The following TXNDC16 variants were observed in gnomAD, a reference collection of about 807,000 sequenced individuals.
TXNDC16 encodes thioredoxin domain-containing protein 16.
TXNDC16 carries 74 observed loss-of-function variants against 85.6 expected under a neutral mutation model. The observed-to-expected ratio is 0.86, with a 90% confidence interval of 0.72 to 1.05. The LOEUF (loss-of-function observed/expected upper bound fraction) is 1.05, where lower values mean the gene tolerates loss of function less well. Among genes scored for constraint, TXNDC16 ranks in the 50% least tolerant of loss-of-function variants. The pLI, the probability that TXNDC16 is intolerant of heterozygous loss-of-function variation, is 0.00. For missense variants in TXNDC16, 959 were observed against 947.0 expected (o/e 1.01, Z -0.17); for synonymous variants, 335 against 326.5 (o/e 1.03, Z -0.28).
At position 52,488,633 on chromosome 14, in the gene TXNDC16, C is replaced by G. The variant is rs556504128; in HGVS notation, c.985-147G>C. 163 of 547,030 alleles carry G rather than the reference C, an allele frequency of 3.0e-4. 1 individual carries two copies. The highest frequency in any genetic ancestry group is 3.2e-4 in the Non-Finnish European group (103 of 322,952). The allele number at this position is 547,030 out of a possible 1,614,324, so 33.9% of individuals were successfully genotyped here. A position where few individuals can be genotyped will look rare whatever the true frequency, so the allele number is the denominator to read the frequency against. The stretch of plus-strand genomic sequence containing the variant: ...GGCGGATCATCTGAGGTCAGTAGTT[C>G]GAGACCAGCCTGGCCAACATGGTGA... On this transcript the variant is annotated intron_variant, in intron 11 of 20. Transcript: ENST00000281741.
Position 52,457,103 on chromosome 14 carries a change from C to T in TXNDC16, c.1690G>A (p.Asp564Asn), listed in dbSNP as rs762829485. ...CAATAAACTTACAGTAGCAAAACAT[C>T]TTCTTCAGAATAAATTCCAGTGATA... is the stretch of plus-strand genomic sequence containing the variant. Reference protein sequence around the residue: ...YVITGIYSEEDVLLLSTKYAA... With the variant: ...YVITGIYSEENVLLLSTKYAA... The change falls in exon 17 of 21, where the codon GAT (aspartate) becomes AAT (asparagine). Residue 564 changes from aspartate to asparagine, a missense_variant. Coordinates refer to ENST00000281741, the MANE Select transcript of TXNDC16 (RefSeq NM_020784.3). The T allele has an allele frequency of 2.5e-5, 39 of 1,581,620 alleles. No individual in the cohort carries two copies. Among genetic ancestry groups the T allele is most frequent in the Non-Finnish European group, 3.3e-5 (39 of 1,167,752 alleles).
At chr14:52,463,299 C>CGA (rs997149521) in intron 16 of TXNDC16, among the ~76,000 whole-genome samples, 27 of 152,122 alleles carry the variant, frequency 1.8e-4, no homozygotes, top group African/African-American at 5.8e-4. Context: ...CCAGTGGCTG[C>CGA]GAGAGAGCAA....
intron 9 of TXNDC16, among the ~76,000 whole-genome samples, chr14:52,499,580 C>G (rs538248332): frequency 2.7e-5 from 4 of 147,756 alleles, no homozygotes; most frequent in Non-Finnish European, 6.0e-5. Context: ...CATGAGGTAT[C>G]ATCTCATATC....
chr14:52,527,921 G>A (rs1239245354), intron 6 of TXNDC16, among the ~76,000 whole-genome samples: 1 of 149,644 alleles, frequency 6.7e-6, no homozygotes, highest in Non-Finnish European at 1.5e-5. Flanking sequence ...AAATCAATCT[G>A]AGAAAATTTT....
At chr14:52,523,079 T>G (rs1355442232) in intron 6 of TXNDC16, among the ~76,000 whole-genome samples, 1 of 152,224 alleles carries the variant, frequency 6.6e-6, no homozygotes, top group Admixed American at 6.5e-5. Context: ...ATATTCATTT[T>G]CAGAATATGA....
chr14:52,541,213 G>A (rs1354766202), intron 4 of TXNDC16, among the ~76,000 whole-genome samples: 3 of 150,692 alleles, frequency 2.0e-5, no homozygotes, highest in African/African-American at 7.4e-5. Flanking sequence ...TCCAGCCTGG[G>A]CGACAAGAGC....
intron 7 of TXNDC16, among the ~76,000 whole-genome samples, chr14:52,518,231 C>A (rs2037130180): frequency 6.6e-6 from 1 of 152,178 alleles, no homozygotes; most frequent in Non-Finnish European, 1.5e-5. Context: ...CTCTTCTGGT[C>A]TCACAACTTT....
At chr14:52,509,378 T>C (rs1008181264) in intron 9 of TXNDC16, among the ~76,000 whole-genome samples, 7 of 152,228 alleles carry the variant, frequency 4.6e-5, no homozygotes, top group Middle Eastern at 3.4e-3. Context: ...TGAAGAACTA[T>C]ACAGTGAACT....
chr14:52,548,184 A>G (rs2037977710), intron 1 of TXNDC16, among the ~76,000 whole-genome samples: 1 of 152,252 alleles, frequency 6.6e-6, no homozygotes, highest in Non-Finnish European at 1.5e-5. Flanking sequence ...GACGGTTACT[A>G]TGGGACTGAA....
At chr14:52,485,652 C>T (rs2036251571) in intron 12 of TXNDC16, among the ~76,000 whole-genome samples, 1 of 152,088 alleles carries the variant, frequency 6.6e-6, no homozygotes. Context: ...CGTTTAGATA[C>T]ATAAATATCT....
At chr14:52,477,371 A>T (rs2036041492) in intron 14 of TXNDC16, among the ~76,000 whole-genome samples, 1 of 152,232 alleles carries the variant, frequency 6.6e-6, no homozygotes, top group South Asian at 2.1e-4. Context: ...CACTTAAGAC[A>T]CAGAATTGCA....
At chr14:52,542,521 A>C in intron 3 of TXNDC16, 68 bp from the exon 4 acceptor site, 1 of 1,092,340 alleles carries the variant, frequency 9.2e-7, no homozygotes, top group Middle Eastern at 2.4e-4. Flanking sequence ...AAATCTGCAA[A>C]CACAGAATAG....
chr14:52,529,676 A>ATATATATAATGCCTATTATATATAT (rs2037438672), intron 6 of TXNDC16, among the ~76,000 whole-genome samples: 1 of 47,022 alleles, frequency 2.1e-5, no homozygotes, highest in Non-Finnish European at 3.6e-5. Context: ...ATTATATATA[A>ATATATATAATGCCTATTATATATAT]TATATATAAT....
chr14:52,489,416 G>A (rs1049009549), intron 11 of TXNDC16, among the ~76,000 whole-genome samples: 1 of 151,918 alleles, frequency 6.6e-6, no homozygotes, highest in Non-Finnish European at 1.5e-5. Flanking sequence ...GTTCTTGACT[G>A]TAACTCTATA....
chr14:52,477,583 G>A (rs766906852), intron 14 of TXNDC16, among the ~76,000 whole-genome samples: 26 of 152,074 alleles, frequency 1.7e-4, no homozygotes, highest in Admixed American at 6.5e-4. Flanking sequence ...GACAAAGGGC[G>A]TCATTATATA....
At chr14:52,470,371 C>T in intron 15 of TXNDC16, 141 bp downstream of exon 15, 1 of 1,091,318 alleles carries the variant, frequency 9.2e-7, no homozygotes, top group Non-Finnish European at 1.3e-6. Context: ...TTGAAATGTA[C>T]ACAGACTTTC....
chr14:52,498,673 CATAA>C (rs1271728982), intron 9 of TXNDC16, among the ~76,000 whole-genome samples: 2 of 151,960 alleles, frequency 1.3e-5, no homozygotes, highest in Admixed American at 6.6e-5. Flanking sequence ...ATTTAAAAGA[CATAA>C]ATAAATGGAA....
chr14:52,536,468 A>G (rs529859745), intron 6 of TXNDC16, among the ~76,000 whole-genome samples: 5 of 152,278 alleles, frequency 3.3e-5, no homozygotes, highest in East Asian at 1.9e-4. Flanking sequence ...CTCCAGTTAG[A>G]CCTCACTCGA....
chr14:52,523,315 T>C (rs1251419039), intron 6 of TXNDC16, among the ~76,000 whole-genome samples: 1 of 152,186 alleles, frequency 6.6e-6, no homozygotes, highest in Non-Finnish European at 1.5e-5. Context: ...TTGGATAAGA[T>C]ATTTGGTCAA....
Sources: allele counts gnomAD v4.1 joint callset (sites outside exome capture counted in the v4.1 genomes callset), GRCh38; gene constraint gnomAD v4.1.1; transcripts MANE v1.5; gene names NCBI Gene and HGNC (gene_info 2026-07-23, HGNC 2026-07-21).